The following USP53 variants were observed in gnomAD, a reference collection of about 807,000 sequenced individuals.
USP53 encodes the protein ubiquitin carboxyl-terminal hydrolase 53.
USP53 carries 71 observed loss-of-function variants against 94.9 expected under a neutral mutation model. The ratio of observed to expected loss-of-function variants is 0.75; its 90% confidence interval spans 0.62 to 0.91. The LOEUF (loss-of-function observed/expected upper bound fraction) is 0.91. Ranked by LOEUF, USP53 falls within the 40% of genes least tolerant of loss-of-function variation. USP53 has a pLI of 0.00. For missense variants in USP53, 1,173 were observed against 1,281.0 expected (o/e 0.92, Z 1.29); for synonymous variants, 375 against 422.7 (o/e 0.89, Z 1.39).
intron 1 of USP53, among the ~76,000 whole-genome samples, chr4:119,213,641 G>GATATATTAGATATATATATATATATATAT (rs1553961986): frequency 2.8e-5 from 3 of 108,108 alleles, no homozygotes; most frequent in African/African-American, 1.3e-4. Flanking sequence ...TCTGGAAATA[G>GATATATTAGATATATATATATATATATAT]ATATATATAT....
At chr4:119,213,864 C>T (rs1743312910) in intron 1 of USP53, among the ~76,000 whole-genome samples, 1 of 147,026 alleles carries the variant, frequency 6.8e-6, no homozygotes, top group African/African-American at 2.6e-5. Context: ...AGCCAGACTC[C>T]GTCTCCAAAA....
intron 5 of USP53, among the ~76,000 whole-genome samples, chr4:119,241,715 G>A (rs1747568951): frequency 6.6e-6 from 1 of 151,972 alleles, no homozygotes; most frequent in African/African-American, 2.4e-5. Flanking sequence ...TCTTGTGTTT[G>A]GGTTTGTTGA....
chr4:119,252,974 C>T lies in USP53; in HGVS notation c.373-3272C>T, dbSNP rs1409202480. On this transcript the variant is annotated intron_variant, in intron 7 of 18. Transcript: ENST00000692078. Reference sequence around the variant, plus strand: ...GTTTTAAAGAACATCTTTATTTCTGCCTTCATTTTGTTAGTTACCCAGTAG... The same window carrying T: ...GTTTTAAAGAACATCTTTATTTCTGTCTTCATTTTGTTAGTTACCCAGTAG... 2.0e-5 allele frequency among the ~76,000 whole-genome samples: 3 copies of T among 152,010 alleles called. No individual in the cohort carries two copies. The South Asian group carries it at 6.2e-4, about 32-fold the overall frequency.
intron 9 of USP53, among the ~76,000 whole-genome samples, chr4:119,257,130 G>A (rs181680750): frequency 2.1e-3 from 325 of 152,248 alleles, no homozygotes; most frequent in African/African-American, 7.2e-3. Context: ...TTTTCCAACA[G>A]GTATTTGAAA....
chr4:119,279,749 C>G (rs542197124), intron 17 of USP53, among the ~76,000 whole-genome samples: 3 of 152,310 alleles, frequency 2.0e-5, no homozygotes, highest in Non-Finnish European at 2.9e-5. Flanking sequence ...TAGCAGTCAG[C>G]GAGATTCCAT....
chr4:119,279,439 G>A (rs1230823898), intron 17 of USP53, among the ~76,000 whole-genome samples: 1 of 149,866 alleles, frequency 6.7e-6, no homozygotes, highest in Non-Finnish European at 1.5e-5. Flanking sequence ...GGACCCACTT[G>A]AGGAGGCAGT....
rs756372442 is a variant in USP53, at chr4:119,292,550, T to C, written c.2561T>C (p.Val854Ala). 1.9e-6 allele frequency: 3 copies of C among 1,613,864 alleles called. No homozygotes were observed. The highest frequency in any genetic ancestry group is 2.5e-6 in the Non-Finnish European group (3 of 1,179,898). ...HVDNSASGKR[V>A]NSNEPSSLWS... Reference sequence around the variant, plus strand: ...GATAACTCTGCTTCTGGGAAGAGAGTGAACAGTAATGAACCATCTTCATTA... The same window carrying C: ...GATAACTCTGCTTCTGGGAAGAGAGCGAACAGTAATGAACCATCTTCATTA... Residue 854 changes from valine to alanine, a missense_variant, in exon 19 of 19, where the codon GTG becomes GCG. Physicochemically the swap from Val to Ala is moderately conservative, Grantham distance 64 (BLOSUM62 0). Coordinates refer to ENST00000692078, the MANE Select transcript of USP53 (RefSeq NM_001371395.1).
chr4:119,234,423 G>C (rs1746461841), intron 3 of USP53, among the ~76,000 whole-genome samples: 2 of 152,240 alleles, frequency 1.3e-5, no homozygotes, highest in African/African-American at 4.8e-5. Flanking sequence ...TTGAAATCTT[G>C]TGCTGGAATG....
At chr4:119,261,055 G>A (rs754527469) in intron 11 of USP53, among the ~76,000 whole-genome samples, 17 of 145,822 alleles carry the variant, frequency 1.2e-4, no homozygotes, top group South Asian at 2.2e-4. Flanking sequence ...TGCCTCCCAG[G>A]CTCAAGCAAT....
At chr4:119,255,086 T>C (rs1749574227) in intron 7 of USP53, among the ~76,000 whole-genome samples, 2 of 152,176 alleles carry the variant, frequency 1.3e-5, no homozygotes, top group Non-Finnish European at 2.9e-5. Context: ...TGCCTGATCC[T>C]TCCTCTGGAA....
chr4:119,284,360 C>CT (rs1336392308), intron 17 of USP53, among the ~76,000 whole-genome samples: 1 of 151,320 alleles, frequency 6.6e-6, no homozygotes, highest in Non-Finnish European at 1.5e-5. Context: ...TAATATACTG[C>CT]TTTTTTTCCA....
intron 17 of USP53, among the ~76,000 whole-genome samples, chr4:119,275,485 GT>G (rs1383072836): frequency 7.1e-6 from 1 of 140,620 alleles, no homozygotes; most frequent in Non-Finnish European, 1.6e-5. Flanking sequence ...GTACCATGCT[GT>G]TTTGGTTACT....
intron 17 of USP53, among the ~76,000 whole-genome samples, chr4:119,276,432 C>T (rs1045864452): frequency 3.3e-5 from 5 of 151,312 alleles, no homozygotes; most frequent in African/African-American, 1.2e-4. Context: ...ACCAGCCTTG[C>T]ATCCCAGGGA....
intron 5 of USP53, among the ~76,000 whole-genome samples, chr4:119,242,487 C>T (rs1352595162): frequency 1.3e-5 from 2 of 152,162 alleles, no homozygotes; most frequent in African/African-American, 4.8e-5. Flanking sequence ...CCTGTGAGCT[C>T]TGGGCACTAT....
At chr4:119,264,840 C>T (rs1025154691) in intron 12 of USP53, among the ~76,000 whole-genome samples, 3 of 152,134 alleles carry the variant, frequency 2.0e-5, no homozygotes, top group East Asian at 1.9e-4. Context: ...CCATGTAAAA[C>T]GTGTACTTGA....
At chr4:119,284,624 A>G (rs933568045) in intron 17 of USP53, among the ~76,000 whole-genome samples, 1 of 151,846 alleles carries the variant, frequency 6.6e-6, no homozygotes, top group Non-Finnish European at 1.5e-5. Context: ...TAAATCTTTC[A>G]ACTTTTCTGA....
In USP53 at chr4:119,293,333, C is replaced by T; in HGVS notation, c.*122C>T. On this transcript the variant is annotated 3_prime_UTR_variant, in exon 19 of 19. Transcript: ENST00000692078. ...TGGTAAAACTGACCAACTTTTACTT[C>T]TCAGAGGCCATTTAAATATAATAGG... is the stretch of plus-strand genomic sequence containing the variant. 8.9e-7 allele frequency: 1 copy of T among 1,120,740 alleles called. No homozygotes were observed. The highest frequency in any genetic ancestry group is 1.2e-6 in the Non-Finnish European group (1 of 814,592). 69.4% of individuals were successfully genotyped at this position (1,120,740 alleles called of 1,614,324 possible).
In USP53 at chr4:119,292,343, A is replaced by G. The variant is rs777737315; in HGVS notation, c.2354A>G (p.His785Arg). ...TTTTTATTTTCATATTTCAGATCAC[A>G]TGTACATGAAGACAATGGAAAGTTA... ...QIKNHLIKRS[H>R]VHEDNGKLFP... Residue 785 changes from histidine to arginine, a missense_variant, in exon 19 of 19, where the codon CAT becomes CGT. Transcript: ENST00000692078. 4 of 1,588,326 alleles carry G rather than the reference A, an allele frequency of 2.5e-6. No homozygotes were observed. Among genetic ancestry groups the G allele is most frequent in the Non-Finnish European group, 2.6e-6 (3 of 1,169,672 alleles).
chr4:119,281,780 G>C (rs977820869), intron 17 of USP53, among the ~76,000 whole-genome samples: 29 of 152,172 alleles, frequency 1.9e-4, no homozygotes, highest in Admixed American at 1.8e-3. Flanking sequence ...GAAAGTGTGT[G>C]TGTGATGCAC....
Sources: gnomAD v4.1 joint callset for allele counts (sites outside exome capture counted in the v4.1 genomes callset) on GRCh38, gnomAD v4.1.1 for gene constraint, MANE v1.5 for transcripts, NCBI Gene and HGNC (gene_info 2026-07-23, HGNC 2026-07-21) for gene names.